Variants in CACNA1C observed in about 807,000 individuals in gnomAD.
CACNA1C encodes voltage-dependent L-type calcium channel subunit alpha-1C.
A neutral mutation model predicts 229.0 loss-of-function variants in CACNA1C; 30 were observed. The ratio of observed to expected loss-of-function variants is 0.13; its 90% CI spans 0.10 to 0.18. The LOEUF (loss-of-function observed/expected upper bound fraction) is 0.18. CACNA1C is among the 10% of genes least tolerant of loss of function. The pLI, the probability that CACNA1C is intolerant of heterozygous loss-of-function variation, is 1.00. For missense variants in CACNA1C, 1,658 were observed against 2,845.0 expected (o/e 0.58, Z 9.49); for synonymous variants, 1,114 against 1,132.5 (o/e 0.98, Z 0.33).
At chr12:2,194,832 G>A (rs1245342645) in intron 3 of CACNA1C, among the ~76,000 whole-genome samples, 1 of 152,146 alleles carries the variant, frequency 6.6e-6, no homozygotes, top group Non-Finnish European at 1.5e-5. Context: ...GTGTTCCCCA[G>A]GACTTACCCT....
At chr12:2,117,980 C>A (rs1192007259) in intron 2 of CACNA1C, among the ~76,000 whole-genome samples, 2 of 152,224 alleles carry the variant, frequency 1.3e-5, no homozygotes, top group African/African-American at 4.8e-5. Context: ...GAAGGGAACT[C>A]AGCTTAAAAA....
intron 9 of CACNA1C, among the ~76,000 whole-genome samples, chr12:2,548,333 T>G (rs1342547212): frequency 1.3e-5 from 2 of 152,190 alleles, no homozygotes; most frequent in African/African-American, 4.8e-5. Context: ...TAGTAGGCTT[T>G]AAGAAGCTTG....
chr12:2,565,394 GAA>G (rs2050148642), intron 11 of CACNA1C, among the ~76,000 whole-genome samples: 6 of 151,362 alleles, frequency 4.0e-5, no homozygotes, highest in Non-Finnish European at 5.9e-5. Flanking sequence ...GTGAACCCGG[GAA>G]GCGGAGCTTG....
Position 2,512,832 on chromosome 12 carries a change from A to T in CACNA1C, c.1238A>T (p.Glu413Val). The T allele has an allele frequency of 6.2e-7, 1 of 1,612,758 alleles. No homozygotes were observed. The highest frequency in any genetic ancestry group is 8.5e-7 in the Non-Finnish European group (1 of 1,179,434). The change falls in exon 9 of 47, where the codon GAG becomes GTG. Residue 413 changes from glutamate to valine, a missense_variant. Physicochemically the swap from Glu to Val is moderately radical, Grantham distance 121. This residue lies in a region of CACNA1C where 84 missense variants were observed against 202.6 expected (regional missense o/e 0.41). Coordinates refer to ENST00000399655, the MANE Select transcript of CACNA1C (RefSeq NM_000719.7). The surrounding 1 kb of genome is among the most constrained non-coding windows in gnomAD (Gnocchi z 4.3). ...ACCAGAGAGTTTTCCAAAGAGAGGGAGAAGGCCAAGGCCCGGGGAGATTTC... is the reference window on the plus strand; with the variant it reads ...ACCAGAGAGTTTTCCAAAGAGAGGGTGAAGGCCAAGGCCCGGGGAGATTTC... ...VLSGEFSKER[E>V]KAKARGDFQK...
chr12:2,004,773 C>G (rs1311789825), intron 1 of CACNA1C: 1 of 274,660 alleles, frequency 3.6e-6, no homozygotes, highest in East Asian at 8.1e-5. Flanking sequence ...GACCCCTTGG[C>G]ATATCTTTTC....
chr12:2,415,207 G>A (rs1470743937), intron 3 of CACNA1C, among the ~76,000 whole-genome samples: 1 of 152,158 alleles, frequency 6.6e-6, no homozygotes, highest in Non-Finnish European at 1.5e-5. Context: ...ATTCTCCTTT[G>A]TATTTTTAAA....
At chr12:2,082,350 G>A (rs894816771) in intron 1 of CACNA1C, among the ~76,000 whole-genome samples, 3 of 152,120 alleles carry the variant, frequency 2.0e-5, no homozygotes, top group African/African-American at 7.2e-5. Flanking sequence ...TTTGGTCTGT[G>A]TGACTTGTCC....
chr12:2,598,880 C>T (rs1032860201), intron 21 of CACNA1C, among the ~76,000 whole-genome samples: 2 of 152,178 alleles, frequency 1.3e-5, no homozygotes, highest in African/African-American at 4.8e-5. Context: ...CTTTTCTGCT[C>T]GTGGAGAGTA....
chr12:2,205,346 C>T (rs556797905), intron 3 of CACNA1C, among the ~76,000 whole-genome samples: 9 of 152,138 alleles, frequency 5.9e-5, no homozygotes, highest in Non-Finnish European at 1.2e-4. Context: ...AGCCTGGGTA[C>T]AGGGAGGAGG....
chr12:2,437,851 G>A (rs958861639), intron 3 of CACNA1C, among the ~76,000 whole-genome samples: 4 of 150,922 alleles, frequency 2.7e-5, no homozygotes, highest in African/African-American at 9.7e-5. Context: ...TGGTGGTGAT[G>A]ATGGTGGTGA....
chr12:2,229,203 T>A (rs2063950387), intron 3 of CACNA1C, among the ~76,000 whole-genome samples: 1 of 152,138 alleles, frequency 6.6e-6, no homozygotes, highest in South Asian at 2.1e-4. Flanking sequence ...TTAGTTTCAG[T>A]TTTATAATGT....
At chr12:2,228,344 T>C (rs145942808) in intron 3 of CACNA1C, among the ~76,000 whole-genome samples, 66 of 152,344 alleles carry the variant, frequency 4.3e-4, no homozygotes, top group Non-Finnish European at 8.2e-4. Context: ...GGTACTTCTT[T>C]ATCTTACACA....
chr12:2,444,632 C>T (rs2099260826), intron 3 of CACNA1C, among the ~76,000 whole-genome samples: 2 of 152,162 alleles, frequency 1.3e-5, no homozygotes, highest in Non-Finnish European at 1.5e-5. Context: ...GATGTCTCTA[C>T]CTTCCTCCAA....
intron 3 of CACNA1C, among the ~76,000 whole-genome samples, chr12:2,365,294 G>T (rs1276175684): frequency 6.6e-6 from 1 of 152,190 alleles, no homozygotes; most frequent in Non-Finnish European, 1.5e-5. Flanking sequence ...GCTTTCAAAA[G>T]AAATCGGTAA....
rs991479819 is a variant in CACNA1C at position 2,034,390 on chromosome 12, C to T, written c.139+63189C>T. 2.6e-5 allele frequency among the ~76,000 whole-genome samples: 4 copies of T among 152,196 alleles called. No homozygotes were observed. The highest frequency in any genetic ancestry group is 7.2e-5 in the African/African-American group (3 of 41,452). On this transcript the variant is annotated intron_variant, in intron 1 of 46. Coordinates refer to the CACNA1C transcript ENST00000682462. This position sits in a 1 kb window ranked among gnomAD's most constrained non-coding sequence, Gnocchi z 4.1. ...AAGATGTCAGAGGAACGAGATTCCA[C>T]GCAACCTGATAAAGAACTTGCTCAT...
chr12:2,251,022 T>A (rs1041783309), intron 3 of CACNA1C, among the ~76,000 whole-genome samples: 3 of 152,232 alleles, frequency 2.0e-5, no homozygotes, highest in African/African-American at 7.2e-5. Context: ...GACAGTGTGT[T>A]CTGCGTTGGC....
At chr12:2,652,193 G>A (rs1421097626) in intron 32 of CACNA1C, among the ~76,000 whole-genome samples, 1 of 152,116 alleles carries the variant, frequency 6.6e-6, no homozygotes, top group East Asian at 1.9e-4. Flanking sequence ...CCTCCTCCCC[G>A]TAGGCGTTTC....
rs565313508 is a variant in CACNA1C, at chr12:2,414,083, C to T, written c.478-34893C>T. On this transcript the variant is annotated intron_variant, in intron 3 of 46. Transcript: ENST00000399655. ...AGTAAGACTGGCCCAAGTCCTATCC[C>T]GTCTCCGTTATTTGCTGGCCGTGGG... 2.9e-3 allele frequency among the ~76,000 whole-genome samples: 433 copies of T among 151,154 alleles called. 7 individuals carry two copies. Among genetic ancestry groups the T allele is most frequent in the South Asian group, 3.6e-3 (17 of 4,778 alleles).
At chr12:2,662,782 A>C (rs1202196020) in intron 34 of CACNA1C, among the ~76,000 whole-genome samples, 1 of 152,262 alleles carries the variant, frequency 6.6e-6, no homozygotes, top group Non-Finnish European at 1.5e-5. Context: ...TTCTGTACCA[A>C]GATAAACAAA....
Sources: allele counts gnomAD v4.1 joint callset (sites outside exome capture counted in the v4.1 genomes callset), GRCh38; gene constraint gnomAD v4.1.1; regional missense constraint gnomAD v4.1.1; non-coding constraint Gnocchi (gnomAD v3.1); transcripts MANE v1.5; gene names NCBI Gene and HGNC (gene_info 2026-07-23, HGNC 2026-07-21).